The following ATM variants were observed in gnomAD, a reference collection of about 807,000 sequenced individuals.
The protein encoded by ATM is ATM serine/threonine kinase, also known as serine-protein kinase ATM.
A neutral mutation model predicts 387.0 loss-of-function variants in ATM; 308 were observed. The observed-to-expected ratio is 0.80, with a 90% confidence interval of 0.73 to 0.87. ATM has a LOEUF of 0.87. ATM is among the 40% of genes least tolerant of loss of function. ATM has a pLI of 0.00. For missense variants in ATM, 3,312 were observed against 3,560.9 expected (o/e 0.93, Z 1.78); for synonymous variants, 1,156 against 1,187.3 (o/e 0.97, Z 0.54).
chr11:108,249,193 C>T, intron 9 of ATM, 91 bp downstream of exon 9: 1 of 1,439,182 alleles, frequency 6.9e-7, no homozygotes, highest in Non-Finnish European at 9.7e-7. Context: ...TTCATCTCAA[C>T]CAGAACTAAG....
At chr11:108,364,366 G>T (rs1302890381) in intron 61 of ATM, among the ~76,000 whole-genome samples, 1 of 152,082 alleles carries the variant, frequency 6.6e-6, no homozygotes, top group Admixed American at 6.6e-5. Flanking sequence ...TAGCTGTTCT[G>T]AACTGCCAAT....
In ATM at chr11:108,332,813, C is replaced by T. The variant is rs1555125305; in HGVS notation, c.7840C>T (p.Pro2614Ser). ...RIICTIRSRR[P>S]QMVRSVEALC... ...AATATGTACTATCAGAAGTAGGAGACCTCAGATGGTCAGAAGTGTTGAGGC... is the reference window on the plus strand; with the variant it reads ...AATATGTACTATCAGAAGTAGGAGATCTCAGATGGTCAGAAGTGTTGAGGC... Residue 2614 changes from proline (P) to serine (S), a missense_variant, in exon 53 of 63, where the codon CCT becomes TCT. Transcript: ENST00000675843. 1 of 1,613,382 alleles carries T rather than the reference C, an allele frequency of 6.2e-7. No homozygotes were observed.
chr11:108,262,642 TTAAATG>T (rs2080970045), intron 16 of ATM, among the ~76,000 whole-genome samples: 1 of 151,990 alleles, frequency 6.6e-6, no homozygotes, highest in Admixed American at 6.6e-5. Context: ...AATGTTAACT[TTAAATG>T]TAAATGGACT....
In ATM at chr11:108,333,876, T is replaced by G. The variant is rs188404773; in HGVS notation, c.7928-10T>G. On this transcript the variant is annotated splice_polypyrimidine_tract_variant and intron_variant, in intron 53 of 62. Transcript: ENST00000675843. Reference sequence around the variant, plus strand: ...GTTTGTCACTAAAATCTCTTCATTTTTAAATACAGAAGGCATAAATATTCC... The same window carrying G: ...GTTTGTCACTAAAATCTCTTCATTTGTAAATACAGAAGGCATAAATATTCC... The G allele has an allele frequency of 1.3e-6, 2 of 1,592,806 alleles. No homozygotes were observed. Among genetic ancestry groups the G allele is most frequent in the Non-Finnish European group, 1.7e-6 (2 of 1,160,716 alleles).
chr11:108,353,759 AC>A lies in ATM; in HGVS notation c.8672-6del, dbSNP rs2089489556. The stretch of plus-strand genomic sequence containing the variant: ...ACCTCCTAACTTCACTGTATTCTTT[AC>A]TTTAGGTGTTGCTTTTGAACAGGGC... On this transcript the variant is annotated splice_region_variant and splice_polypyrimidine_tract_variant and intron_variant, in intron 59 of 62. Coordinates refer to ENST00000675843, the MANE Select transcript of ATM (RefSeq NM_000051.4). The A allele has an allele frequency of 6.3e-7, 1 of 1,589,274 alleles. No homozygotes were observed. The highest frequency in any genetic ancestry group is 1.1e-5 in the South Asian group (1 of 90,528).
chr11:108,343,395 G>A (rs2136956015), intron 57 of ATM, 24 bp downstream of exon 57: 1 of 1,612,628 alleles, frequency 6.2e-7, no homozygotes, highest in Non-Finnish European at 8.5e-7. Context: ...AAAATTAAAG[G>A]TTATTGTAAG....
intron 9 of ATM, among the ~76,000 whole-genome samples, chr11:108,249,380 G>T (rs2080018834): frequency 6.6e-6 from 1 of 152,158 alleles, no homozygotes; most frequent in South Asian, 2.1e-4. Context: ...TTAGAAGTGT[G>T]CACCTCATGG....
intron 46 of ATM, 80 bp from the exon 47 acceptor site, chr11:108,325,978 C>T: frequency 6.7e-7 from 1 of 1,491,728 alleles, no homozygotes; most frequent in Non-Finnish European, 9.2e-7. Context: ...ATGGTAGTTG[C>T]TGCTTTCATT....
intron 61 of ATM, among the ~76,000 whole-genome samples, chr11:108,361,346 C>A (rs2090724668): frequency 6.7e-6 from 1 of 149,394 alleles, no homozygotes; most frequent in Non-Finnish European, 1.5e-5. Context: ...TAGGAAGAAT[C>A]AATATTGTGA....
chr11:108,297,407 G>T lies in ATM; in HGVS notation c.5005+25G>T, dbSNP rs750429682. The T allele has an allele frequency of 6.4e-6, 10 of 1,559,952 alleles. No individual in the cohort carries two copies. The Admixed American group carries it at 1.5e-4, about 23-fold the overall frequency. On this transcript the variant is annotated intron_variant, in intron 33 of 62. Coordinates refer to ENST00000675843, the MANE Select transcript of ATM (RefSeq NM_000051.4). ...GGTAAACTACAGTCATGCGCTGCGTGACATTTCAGTCAACTGCGGATCACA... is the reference window on the plus strand; with the variant it reads ...GGTAAACTACAGTCATGCGCTGCGTTACATTTCAGTCAACTGCGGATCACA...
chr11:108,246,992 T>C lies in ATM; in HGVS notation c.930T>C (p.Ser310=). 1 of 1,612,234 alleles carries C rather than the reference T, an allele frequency of 6.2e-7. No homozygotes were observed. Among genetic ancestry groups the C allele is most frequent in the South Asian group, 1.1e-5 (1 of 90,996 alleles). The change falls in exon 8 of 63, where the codon AGT becomes AGC. Residue 310 remains serine, a synonymous_variant. Coordinates refer to ENST00000675843, the MANE Select transcript of ATM (RefSeq NM_000051.4). ...CTTATGAATCAACAAAATGGAGAAG[T>C]ATTTTATACAACTTATATGATCTGC... is the stretch of plus-strand genomic sequence containing the variant. ...KGAYESTKWR[S]ILYNLYDLLV...
rs1229140378 is a variant in ATM at position 108,327,578 on chromosome 11, C to A, written c.6976-67C>A. ...TTTTTAACCTGCTTTTTTCCCCGTACATGAAGGGCAGTTGGGTACAGTCAT... is the reference window on the plus strand; with the variant it reads ...TTTTTAACCTGCTTTTTTCCCCGTAAATGAAGGGCAGTTGGGTACAGTCAT... On this transcript the variant is annotated intron_variant, in intron 47 of 62. Transcript: ENST00000675843. 1.5e-5 allele frequency: 20 copies of A among 1,316,618 alleles called. No individual in the cohort carries two copies. In the East Asian group the frequency reaches 4.6e-4, roughly 30 times the overall value. The allele number at this position is 1,316,618 out of a possible 1,614,324, so 81.6% of individuals were successfully genotyped here.
rs560728404 is a variant in ATM, at chr11:108,241,613, T to C, written c.497-2340T>C. ...TTTGTCATTGAATAGAATGTTGTTA[T>C]GTAGTATGTGACTGTGGTTGGAATC... is the stretch of plus-strand genomic sequence containing the variant. On this transcript the variant is annotated intron_variant, in intron 5 of 62. Transcript: ENST00000675843. 1.2e-4 allele frequency among the ~76,000 whole-genome samples: 19 copies of C among 152,276 alleles called. 1 individual carries two copies. The South Asian group carries it at 2.1e-3, about 17-fold the overall frequency.
At chr11:108,248,748 C>T (rs1452814204) in intron 8 of ATM, among the ~76,000 whole-genome samples, 185 bp from the exon 9 acceptor site, 1 of 151,888 alleles carries the variant, frequency 6.6e-6, no homozygotes, top group Non-Finnish European at 1.5e-5. Context: ...GTTAGCTGGG[C>T]ATGGTGGTGC....
At chr11:108,305,756 A>G (rs2135953743) in intron 37 of ATM, among the ~76,000 whole-genome samples, 1 of 152,322 alleles carries the variant, frequency 6.6e-6, no homozygotes, top group African/African-American at 2.4e-5. Flanking sequence ...AAGAAATTCC[A>G]CCAAGGGTTG....
chr11:108,229,788 C>G (rs2078922393), intron 4 of ATM: 1 of 156,420 alleles, frequency 6.4e-6, no homozygotes, highest in African/African-American at 2.4e-5. Context: ...CCTAAGTGAT[C>G]CTCCTGTCTT....
chr11:108,274,418 A>G (rs1392745856), intron 22 of ATM, among the ~76,000 whole-genome samples: 3 of 151,860 alleles, frequency 2.0e-5, no homozygotes, highest in Admixed American at 6.6e-5. Flanking sequence ...TAGCTTTTGA[A>G]TTTGTTTGCT....
chr11:108,312,913 T>C (rs2084299720), intron 40 of ATM, among the ~76,000 whole-genome samples: 3 of 152,226 alleles, frequency 2.0e-5, no homozygotes, highest in East Asian at 1.9e-4. Flanking sequence ...CTCATGTTAC[T>C]GTCTGGGATG....
chr11:108,304,928 T>C, intron 37 of ATM, 76 bp downstream of exon 37: 1 of 1,500,016 alleles, frequency 6.7e-7, no homozygotes, highest in Non-Finnish European at 9.1e-7. Flanking sequence ...GGAATCCCAC[T>C]AAAAGCACTT....
Sources: allele counts gnomAD v4.1 joint callset (sites outside exome capture counted in the v4.1 genomes callset), GRCh38; gene constraint gnomAD v4.1.1; transcripts MANE v1.5; gene names NCBI Gene and HGNC (gene_info 2026-07-23, HGNC 2026-07-21).